NTM: variants seen among roughly 807,000 people sequenced by gnomAD.
NTM encodes IgLON family member 2.
NTM carries 13 observed loss-of-function variants against 42.1 expected under a neutral mutation model. The ratio of observed to expected loss-of-function variants is 0.31; its 90% CI spans 0.20 to 0.49. The LOEUF (loss-of-function observed/expected upper bound fraction) is 0.49. Among genes scored for constraint, NTM ranks in the 20% least tolerant of loss-of-function variants. NTM has a pLI of 0.99. For synonymous variants in NTM, 187 were observed against 179.2 expected (o/e 1.04, Z -0.35); for missense variants, 373 against 452.8 (o/e 0.82, Z 1.60).
At chr11:131,384,367 T>C (rs909875936) in intron 1 of NTM, among the ~76,000 whole-genome samples, 2 of 152,034 alleles carry the variant, frequency 1.3e-5, no homozygotes, top group Non-Finnish European at 2.9e-5. Flanking sequence ...TGGTGTAAAT[T>C]TGAGGAAGGC....
chr11:131,757,690 GGTT>G, intron 1 of NTM, among the ~76,000 whole-genome samples: 1 of 152,118 alleles, frequency 6.6e-6, no homozygotes, highest in Non-Finnish European at 1.5e-5. Context: ...ATCCTCAGAT[GGTT>G]ATTATTATTA....
chr11:131,425,470 C>G lies in NTM; in HGVS notation c.82+54582C>G, dbSNP rs115295187. On this transcript the variant is annotated intron_variant, in intron 1 of 8. Transcript: ENST00000683400. ...AAGCCCAACAACATGATAACGGGAA[C>G]TTAGAACTCTGAGAGAGGAAAAAGT... is the stretch of plus-strand genomic sequence containing the variant. Among the ~76,000 whole-genome samples, 1,049 of 152,232 alleles carry G rather than the reference C, an allele frequency of 6.9e-3. 11 individuals carry two copies. Among genetic ancestry groups the G allele is most frequent in the African/African-American group, 0.024 (1,001 of 41,538 alleles).
chr11:131,661,089 TG>T (rs201898772), intron 1 of NTM: 6 of 1,269,502 alleles, frequency 4.7e-6, no homozygotes, highest in East Asian at 5.6e-5. Context: ...CACAGACTGG[TG>T]GGGGGGTCTT....
rs1950316250 is a variant in NTM at position 131,449,454 on chromosome 11, C to T, written c.82+78566C>T. On this transcript the variant is annotated intron_variant, in intron 1 of 8. Transcript: ENST00000683400. ...AGGTCCAGTTTGAGGAAGGGACTTG[C>T]CCAGGGGTGCACAGCAGGCTGGTGG... Among the ~76,000 whole-genome samples the T allele has an allele frequency of 1.3e-5, 2 of 152,188 alleles. 1 individual carries two copies. The highest frequency in any genetic ancestry group is 4.1e-4 in the South Asian group (2 of 4,826).
At position 131,834,625 on chromosome 11, in the gene NTM, C is replaced by CATATATATATATATATATATATATAT. The variant is rs10604283; in HGVS notation, c.83-76919_83-76918insATATATATATATATATATATATATAT. 7.6e-3 allele frequency among the ~76,000 whole-genome samples: 1,021 copies of CATATATATATATATATATATATATAT among 133,634 alleles called. 22 individuals carry two copies. Among genetic ancestry groups the CATATATATATATATATATATATATAT allele is most frequent in the Middle Eastern group, 0.012 (3 of 244 alleles). The allele number at this position is 133,634 out of a possible 152,430, so 87.7% of individuals were successfully genotyped here. On this transcript the variant is annotated intron_variant, in intron 1 of 8. Coordinates refer to ENST00000683400, the MANE Select transcript of NTM (RefSeq NM_001352005.2). ...TAGTGTGTGTATATATATACATATA[C>CATATATATATATATATATATATATAT]ATATATATATATATATATATGTATA...
At chr11:132,074,090 A>AT (rs2058057280) in intron 2 of NTM, among the ~76,000 whole-genome samples, 1 of 152,130 alleles carries the variant, frequency 6.6e-6, no homozygotes, top group Non-Finnish European at 1.5e-5. Flanking sequence ...CCCTCAACTA[A>AT]TTTTTCAGTA....
intron 1 of NTM, among the ~76,000 whole-genome samples, chr11:131,748,368 C>A (rs991297443): frequency 6.6e-6 from 1 of 152,216 alleles, no homozygotes; most frequent in Admixed American, 6.5e-5. Context: ...GGGGTCAGTG[C>A]AGCTAAGCAG....
At chr11:132,104,865 A>C (rs929981872) in intron 2 of NTM, among the ~76,000 whole-genome samples, 3 of 143,030 alleles carry the variant, frequency 2.1e-5, no homozygotes, top group Admixed American at 1.4e-4. Context: ...TGATTGTGGC[A>C]CTGTAATTAC....
chr11:131,484,265 A>G (rs183892166), intron 1 of NTM, among the ~76,000 whole-genome samples: 2 of 152,208 alleles, frequency 1.3e-5, no homozygotes, highest in African/African-American at 4.8e-5. Flanking sequence ...TAAATTTTGT[A>G]TTAAAAAAAG....
At chr11:132,054,193 C>G (rs1404692870) in intron 2 of NTM, among the ~76,000 whole-genome samples, 1 of 152,132 alleles carries the variant, frequency 6.6e-6, no homozygotes, top group African/African-American at 2.4e-5. Flanking sequence ...CCAGCCTGGG[C>G]AAAAGAGTGA....
chr11:132,172,369 C>T (rs1419944247), intron 3 of NTM, among the ~76,000 whole-genome samples: 1 of 152,156 alleles, frequency 6.6e-6, no homozygotes, highest in Non-Finnish European at 1.5e-5. Context: ...TCATCTACCT[C>T]ACTCATTTTC....
chr11:131,886,784 T>C (rs1331845257), intron 1 of NTM, among the ~76,000 whole-genome samples: 1 of 152,188 alleles, frequency 6.6e-6, no homozygotes, highest in African/African-American at 2.4e-5. Flanking sequence ...CTGTGCTTTT[T>C]AGCAGGGAGG....
At chr11:132,069,632 T>G (rs1282214889) in intron 2 of NTM, among the ~76,000 whole-genome samples, 2 of 148,846 alleles carry the variant, frequency 1.3e-5, no homozygotes, top group East Asian at 4.1e-4. Context: ...CCGTCACAGG[T>G]TAGTTAACAG....
rs776997135 is a variant in NTM at position 131,941,164 on chromosome 11, G to A, written c.167+29516G>A. Among the ~76,000 whole-genome samples, 49 of 152,192 alleles carry A rather than the reference G, an allele frequency of 3.2e-4. 2 individuals carry two copies. Among genetic ancestry groups the A allele is most frequent in the Non-Finnish European group, 2.2e-4 (15 of 68,040 alleles). Reference sequence around the variant, plus strand: ...TTTAAAAATGGGCAGTAACTTATAAGTCTGATTCAATGCCACTTATTAGCT... The same window carrying A: ...TTTAAAAATGGGCAGTAACTTATAAATCTGATTCAATGCCACTTATTAGCT... On this transcript the variant is annotated intron_variant, in intron 2 of 8. Transcript: ENST00000683400.
chr11:131,694,998 G>A (rs1282574108), intron 1 of NTM, among the ~76,000 whole-genome samples: 1 of 152,184 alleles, frequency 6.6e-6, no homozygotes, highest in Non-Finnish European at 1.5e-5. Context: ...GCGACCTGCT[G>A]CCACCAGAGG....
intron 1 of NTM, among the ~76,000 whole-genome samples, chr11:131,697,291 G>A (rs2075572496): frequency 6.6e-6 from 1 of 152,254 alleles, no homozygotes; most frequent in East Asian, 1.9e-4. Context: ...AGACCACTGA[G>A]GGCTGCGGCC....
chr11:131,987,515 A>G (rs2066276923), intron 2 of NTM, among the ~76,000 whole-genome samples: 1 of 152,126 alleles, frequency 6.6e-6, no homozygotes, highest in African/African-American at 2.4e-5. Flanking sequence ...ATGTATTGCA[A>G]TACAGACTTC....
intron 1 of NTM, among the ~76,000 whole-genome samples, chr11:131,811,016 A>C (rs1216096502): frequency 1.3e-5 from 2 of 152,230 alleles, no homozygotes; most frequent in Non-Finnish European, 2.9e-5. Flanking sequence ...GAAATACTTT[A>C]AAAAATCAGA....
chr11:131,393,580 C>T (rs1217219354), intron 1 of NTM, among the ~76,000 whole-genome samples: 7 of 152,184 alleles, frequency 4.6e-5, no homozygotes, highest in African/African-American at 1.2e-4. Flanking sequence ...TTCCTGGCCC[C>T]GTGCCCTCCT....
Sources: gnomAD v4.1 joint callset for allele counts (sites outside exome capture counted in the v4.1 genomes callset) on GRCh38, gnomAD v4.1.1 for gene constraint, MANE v1.5 for transcripts, NCBI Gene and HGNC (gene_info 2026-07-23, HGNC 2026-07-21) for gene names.